The following RANBP3L variants were observed in gnomAD, a reference collection of about 807,000 sequenced individuals.
The protein encoded by RANBP3L is RAN binding protein 3 like.
RANBP3L carries 56 observed loss-of-function variants against 67.2 expected under a neutral mutation model. The ratio of observed to expected loss-of-function variants is 0.83; its 90% CI spans 0.67 to 1.04. The LOEUF is 1.04. Among genes scored for constraint, RANBP3L ranks in the 50% least tolerant of loss-of-function variants. RANBP3L has a pLI of 0.00. For synonymous variants in RANBP3L, 164 were observed against 181.4 expected (o/e 0.90, Z 0.77); for missense variants, 496 against 535.5 (o/e 0.93, Z 0.73).
chr5:36,257,688 T>C, intron 8 of RANBP3L, 132 bp from the exon 9 acceptor site: 1 of 460,182 alleles, frequency 2.2e-6, no homozygotes. Flanking sequence ...GTTTTTGTTT[T>C]GGACTTTCTG....
rs928844850 is a variant in RANBP3L, at chr5:36,248,494, A to G, written c.*1160T>C. The G allele has an allele frequency of 2.0e-5, 3 of 152,212 alleles. No individual in the cohort carries two copies. The highest frequency in any genetic ancestry group is 7.2e-5 in the African/African-American group (3 of 41,476). The allele number at this position is 152,212 out of a possible 1,614,324, so 9.4% of individuals were successfully genotyped here. On this transcript the variant is annotated 3_prime_UTR_variant, in exon 14 of 14. Coordinates refer to ENST00000296604, the MANE Select transcript of RANBP3L (RefSeq NM_145000.5). The stretch of plus-strand genomic sequence containing the variant: ...TTATAACAGGTATGGTAACACAGTA[A>G]TATAACTTTTGAAAATGTGTGTTTG...
intron 1 of RANBP3L, among the ~76,000 whole-genome samples, chr5:36,292,362 C>T (rs1040161526): frequency 6.6e-6 from 1 of 151,822 alleles, no homozygotes; most frequent in African/African-American, 2.4e-5. Context: ...CCTGTTCACT[C>T]TGATGGTAGT....
Position 36,253,585 on chromosome 5 carries a change from G to A in RANBP3L, c.1167+62C>T, listed in dbSNP as rs1470316647. 3.2e-5 allele frequency: 43 copies of A among 1,363,106 alleles called. No individual in the cohort carries two copies. In the East Asian group the frequency reaches 9.9e-4, roughly 31 times the overall value. The allele number at this position is 1,363,106 out of a possible 1,614,324, so 84.4% of individuals were successfully genotyped here. On this transcript the variant is annotated intron_variant, in intron 12 of 13. Coordinates refer to ENST00000296604, the MANE Select transcript of RANBP3L (RefSeq NM_145000.5). ...TTATACCTAATGAAAAAACAAATTA[G>A]TAATTGCAGACGTCTATTAATTTAG...
intron 3 of RANBP3L, 115 bp downstream of exon 3, chr5:36,269,836 A>T (rs1750082579): frequency 5.5e-6 from 5 of 911,138 alleles, no homozygotes; most frequent in South Asian, 1.4e-5. Flanking sequence ...TGGCATATTT[A>T]AAAAAAGAAA....
chr5:36,281,880 G>C (rs1328002299), intron 1 of RANBP3L, among the ~76,000 whole-genome samples: 1 of 152,136 alleles, frequency 6.6e-6, no homozygotes, highest in East Asian at 1.9e-4. Context: ...TAATTTGAAG[G>C]CGTTACTTTG....
intron 2 of RANBP3L, among the ~76,000 whole-genome samples, chr5:36,270,341 T>C (rs1561117259): frequency 6.6e-6 from 1 of 152,206 alleles, no homozygotes; most frequent in East Asian, 1.9e-4. Context: ...GAAGTGGTTG[T>C]TCTGGGATGG....
At chr5:36,258,781 G>C (rs994290284) in intron 8 of RANBP3L, among the ~76,000 whole-genome samples, 6 of 152,178 alleles carry the variant, frequency 3.9e-5, no homozygotes, top group Non-Finnish European at 8.8e-5. Context: ...AGCACCTTTA[G>C]GGCCCAGTGT....
chr5:36,300,371 G>A (rs1006183459), intron 1 of RANBP3L, among the ~76,000 whole-genome samples: 5 of 152,154 alleles, frequency 3.3e-5, no homozygotes, highest in East Asian at 1.9e-4. Context: ...TCCAGGAACC[G>A]ATGCAGAGAG....
chr5:36,272,699 C>A (rs887868823), intron 1 of RANBP3L, among the ~76,000 whole-genome samples: 1 of 152,044 alleles, frequency 6.6e-6, no homozygotes, highest in African/African-American at 2.4e-5. Flanking sequence ...GTGTAATGGC[C>A]AATGGCTCAA....
chr5:36,247,620 C>T lies in RANBP3L; in HGVS notation c.*2034G>A, dbSNP rs1748361155. Among the ~76,000 whole-genome samples the T allele has an allele frequency of 1.3e-5, 2 of 152,180 alleles. No individual in the cohort carries two copies. The highest frequency in any genetic ancestry group is 2.1e-4 in the South Asian group (1 of 4,834). On this transcript the variant is annotated 3_prime_UTR_variant, in exon 14 of 14. Coordinates refer to ENST00000296604, the MANE Select transcript of RANBP3L (RefSeq NM_145000.5). Reference sequence around the variant, plus strand: ...AAAGATGACCAGGTGTGGTGGCTCACGCCTGTAATCCCAACACTTTGGGAG... The same window carrying T: ...AAAGATGACCAGGTGTGGTGGCTCATGCCTGTAATCCCAACACTTTGGGAG...
At chr5:36,266,636 A>G (rs1471267136) in intron 4 of RANBP3L, among the ~76,000 whole-genome samples, 1 of 152,250 alleles carries the variant, frequency 6.6e-6, no homozygotes, top group Non-Finnish European at 1.5e-5. Context: ...TGTCCAGTAA[A>G]AAATGAATTA....
chr5:36,266,793 G>A (rs997814506), intron 4 of RANBP3L, among the ~76,000 whole-genome samples: 1 of 149,662 alleles, frequency 6.7e-6, no homozygotes, highest in Non-Finnish European at 1.5e-5. Context: ...GTCTCTCTCT[G>A]TCATCCAAGC....
intron 1 of RANBP3L, among the ~76,000 whole-genome samples, chr5:36,274,595 C>A (rs908273150): frequency 6.6e-6 from 1 of 152,146 alleles, no homozygotes; most frequent in African/African-American, 2.4e-5. Flanking sequence ...GGTTACAAAA[C>A]AGGGCTGGAG....
intron 1 of RANBP3L, among the ~76,000 whole-genome samples, chr5:36,299,937 A>T (rs1361870123): frequency 1.3e-5 from 2 of 152,226 alleles, no homozygotes; most frequent in African/African-American, 2.4e-5. Flanking sequence ...AATAATCCAT[A>T]CAAGTGCATA....
Position 36,292,015 on chromosome 5 carries a change from C to G in RANBP3L, c.91+9311G>C, listed in dbSNP as rs1429669409. ...TGGTTGAACTAGTTTACAGTCCCAC[C>G]AACAGTGTAAAAGTGTTCCTATTTC... On this transcript the variant is annotated intron_variant, in intron 1 of 13. Coordinates refer to ENST00000296604, the MANE Select transcript of RANBP3L (RefSeq NM_145000.5). Among the ~76,000 whole-genome samples the G allele has an allele frequency of 1.3e-4, 17 of 133,136 alleles. No homozygotes were observed. The East Asian group carries it at 3.5e-3, about 27-fold the overall frequency. 87.3% of individuals were successfully genotyped at this position (133,136 alleles called of 152,430 possible).
rs138784199 is a variant in RANBP3L, at chr5:36,258,149, C to A, written c.670-593G>T. 2.0e-5 allele frequency among the ~76,000 whole-genome samples: 3 copies of A among 152,210 alleles called. No individual in the cohort carries two copies. In the East Asian group the frequency reaches 5.8e-4, roughly 29 times the overall value. On this transcript the variant is annotated intron_variant, in intron 8 of 13. Transcript: ENST00000296604. The stretch of plus-strand genomic sequence containing the variant: ...AACATCTTTTTAGAAAAAATCCTAA[C>A]TTTTCCTCCCAGACGATTTTGCCAA...
intron 1 of RANBP3L, among the ~76,000 whole-genome samples, chr5:36,287,285 C>T (rs1751395137): frequency 6.6e-6 from 1 of 152,148 alleles, no homozygotes; most frequent in African/African-American, 2.4e-5. Flanking sequence ...GCCATGGACC[C>T]CTGTTTGCAC....
chr5:36,299,266 C>G (rs1168978092), intron 1 of RANBP3L, among the ~76,000 whole-genome samples: 1 of 151,852 alleles, frequency 6.6e-6, no homozygotes, highest in African/African-American at 2.4e-5. Context: ...ACTTAATAAA[C>G]TCATCTTTAT....
intron 1 of RANBP3L, among the ~76,000 whole-genome samples, chr5:36,282,980 C>T (rs1398837901): frequency 6.6e-6 from 1 of 152,130 alleles, no homozygotes; most frequent in African/African-American, 2.4e-5. Context: ...TGTACACTTA[C>T]CAGAAACGTT....
Sources: allele counts gnomAD v4.1 joint callset (sites outside exome capture counted in the v4.1 genomes callset), GRCh38; gene constraint gnomAD v4.1.1; transcripts MANE v1.5; gene names NCBI Gene and HGNC (gene_info 2026-07-23, HGNC 2026-07-21).